The following PHLDB2 variants were observed in gnomAD, a reference collection of about 807,000 sequenced individuals.
The protein encoded by PHLDB2 is pleckstrin homology like domain family B member 2.
PHLDB2 carries 71 observed loss-of-function variants against 123.6 expected under a neutral mutation model. The observed-to-expected ratio is 0.57, with a 90% confidence interval of 0.47 to 0.70. The LOEUF is 0.70. PHLDB2 is among the 30% of genes least tolerant of loss of function. PHLDB2 has a pLI of 0.00. For missense variants in PHLDB2, 1,446 were observed against 1,519.5 expected (o/e 0.95, Z 0.80); for synonymous variants, 547 against 541.6 (o/e 1.01, Z -0.14).
chr3:111,898,565 G>A (rs999640407), intron 2 of PHLDB2, among the ~76,000 whole-genome samples: 5 of 152,178 alleles, frequency 3.3e-5, no homozygotes, highest in Admixed American at 3.3e-4. Context: ...TCTGCAGCAT[G>A]CAACGCTGTT....
At chr3:111,834,308 A>AAT (rs2063296550) in intron 1 of PHLDB2, among the ~76,000 whole-genome samples, 2 of 138,058 alleles carry the variant, frequency 1.4e-5, no homozygotes, top group South Asian at 4.3e-4. Context: ...TAATATATAT[A>AAT]ATTCTATTAT....
At chr3:111,856,458 C>T (rs952227227), upstream of PHLDB2, among the ~76,000 whole-genome samples, 6 of 152,070 alleles carry the variant, frequency 3.9e-5, no homozygotes, top group African/African-American at 9.7e-5. Flanking sequence ...TAACTCTCAC[C>T]GCATCAACTA....
intron 1 of PHLDB2, among the ~76,000 whole-genome samples, chr3:111,784,440 C>T (rs932929570): frequency 6.6e-6 from 1 of 152,144 alleles, no homozygotes; most frequent in Admixed American, 6.5e-5. Context: ...CAAGTTGCCT[C>T]ATCCTTTTTT....
At chr3:111,920,666 T>C (rs1041874098) in intron 5 of PHLDB2, among the ~76,000 whole-genome samples, 22 of 152,220 alleles carry the variant, frequency 1.4e-4, no homozygotes, top group African/African-American at 5.3e-4. Context: ...GGCAGCTTTA[T>C]CCTACTTGAG....
chr3:111,904,277 C>CA (rs3082325), intron 2 of PHLDB2, among the ~76,000 whole-genome samples: 18 of 86,740 alleles, frequency 2.1e-4, no homozygotes, highest in East Asian at 1.5e-3. Context: ...GACCCTGTCT[C>CA]AAAAAAAAAA....
At chr3:111,784,447 T>C (rs1212706091) in intron 1 of PHLDB2, among the ~76,000 whole-genome samples, 1 of 152,170 alleles carries the variant, frequency 6.6e-6, no homozygotes, top group Non-Finnish European at 1.5e-5. Context: ...CCTCATCCTT[T>C]TTTCCTGCCT....
intron 1 of PHLDB2, among the ~76,000 whole-genome samples, chr3:111,762,135 C>T (rs2060007089): frequency 6.6e-6 from 1 of 152,144 alleles, no homozygotes; most frequent in Non-Finnish European, 1.5e-5. Flanking sequence ...CCAGACTAGA[C>T]TTAGATTTGA....
chr3:111,795,681 C>A (rs1264214721), intron 1 of PHLDB2, among the ~76,000 whole-genome samples: 1 of 152,174 alleles, frequency 6.6e-6, no homozygotes, highest in Non-Finnish European at 1.5e-5. Flanking sequence ...ATTCAACATG[C>A]CTCAGTTTAC....
chr3:111,947,852 C>CA (rs924232877), intron 9 of PHLDB2, among the ~76,000 whole-genome samples: 2 of 151,966 alleles, frequency 1.3e-5, no homozygotes, highest in African/African-American at 4.8e-5. Flanking sequence ...AGGTTTTTAC[C>CA]AAAAATCAAG....
intron 16 of PHLDB2, among the ~76,000 whole-genome samples, chr3:111,970,797 C>G (rs1256345573): frequency 2.0e-5 from 3 of 152,016 alleles, no homozygotes; most frequent in Admixed American, 6.5e-5. Context: ...GGGTGACTGT[C>G]AGTATTTATG....
chr3:111,794,580 G>A (rs1347794186), intron 1 of PHLDB2, among the ~76,000 whole-genome samples: 1 of 152,192 alleles, frequency 6.6e-6, no homozygotes, highest in African/African-American at 2.4e-5. Flanking sequence ...CTTGCTTCCT[G>A]AAGATTATTT....
At chr3:111,906,186 A>G (rs1165329312) in intron 2 of PHLDB2, among the ~76,000 whole-genome samples, 1 of 152,244 alleles carries the variant, frequency 6.6e-6, no homozygotes, top group Non-Finnish European at 1.5e-5. Flanking sequence ...GTAGGCTAAT[A>G]CTATATAGGT....
intron 1 of PHLDB2, among the ~76,000 whole-genome samples, chr3:111,737,065 T>C (rs1445535991): frequency 6.6e-6 from 1 of 152,206 alleles, no homozygotes; most frequent in African/African-American, 2.4e-5. Flanking sequence ...AAGGAAGTCC[T>C]TCTACAAATT....
intron 1 of PHLDB2, among the ~76,000 whole-genome samples, chr3:111,783,858 T>C (rs2060578188): frequency 6.6e-6 from 1 of 152,058 alleles, no homozygotes; most frequent in South Asian, 2.1e-4. Context: ...AAAGAGAAAT[T>C]CAATTACAGT....
chr3:111,757,009 T>C (rs1240416479), intron 1 of PHLDB2, among the ~76,000 whole-genome samples: 1 of 152,148 alleles, frequency 6.6e-6, no homozygotes, highest in African/African-American at 2.4e-5. Flanking sequence ...AGTTTCTGGC[T>C]AGAGATCCAC....
intron 6 of PHLDB2, among the ~76,000 whole-genome samples, chr3:111,937,936 C>CA (rs2069604493): frequency 6.6e-6 from 1 of 152,116 alleles, no homozygotes; most frequent in Non-Finnish European, 1.5e-5. Context: ...TGCATGAATG[C>CA]AGATGCATAA....
At chr3:111,743,835 T>C (rs1418715407) in intron 1 of PHLDB2, among the ~76,000 whole-genome samples, 1 of 152,214 alleles carries the variant, frequency 6.6e-6, no homozygotes, top group Non-Finnish European at 1.5e-5. Context: ...AACAAGATGG[T>C]TGAATTTTCT....
At chr3:111,767,698 C>T (rs770202073) in intron 1 of PHLDB2, among the ~76,000 whole-genome samples, 3 of 152,202 alleles carry the variant, frequency 2.0e-5, no homozygotes, top group Non-Finnish European at 2.9e-5. Context: ...ATTATTATAA[C>T]TGTCATTGTT....
At chr3:111,825,394 A>G (rs1029840322) in intron 1 of PHLDB2, among the ~76,000 whole-genome samples, 2 of 152,234 alleles carry the variant, frequency 1.3e-5, no homozygotes, top group African/African-American at 4.8e-5. Context: ...CATATTGACC[A>G]TGCTTACAGT....
Sources: gnomAD v4.1 joint callset for allele counts (sites outside exome capture counted in the v4.1 genomes callset) on GRCh38, gnomAD v4.1.1 for gene constraint, MANE v1.5 for transcripts, NCBI Gene and HGNC (gene_info 2026-07-23, HGNC 2026-07-21) for gene names.